Variants in HS3ST1 observed in about 807,000 individuals in gnomAD.
The protein encoded by HS3ST1 is heparan sulfate-glucosamine 3-sulfotransferase 1.
In HS3ST1, 8 loss-of-function variants were observed where a neutral mutation model predicts 20.7. The observed-to-expected ratio is 0.39, with a 90% CI of 0.23 to 0.70. The LOEUF (loss-of-function observed/expected upper bound fraction) is 0.70, where lower values mean the gene tolerates loss of function less well. HS3ST1 is among the 30% of genes least tolerant of loss of function. The pLI is 0.46. For synonymous variants in HS3ST1, 205 were observed against 190.4 expected, an observed-to-expected ratio of 1.08 and a Z score of -0.63; for missense variants, 436 against 423.4, an observed-to-expected ratio of 1.03 and a Z score of -0.26.
At chr4:11,418,174 G>A (rs1048609962) in intron 1 of HS3ST1, among the ~76,000 whole-genome samples, 1 of 151,806 alleles carries the variant, frequency 6.6e-6, no homozygotes, top group Non-Finnish European at 1.5e-5. Context: ...TTGGGACACT[G>A]TGGCACTTTA....
At chr4:11,403,387 G>A (rs1718379713) in intron 1 of HS3ST1, among the ~76,000 whole-genome samples, 1 of 152,196 alleles carries the variant, frequency 6.6e-6, no homozygotes, top group Non-Finnish European at 1.5e-5. Flanking sequence ...CCAAGCTCAG[G>A]TGAACCTGTA....
At chr4:11,411,664 G>A (rs564326019) in intron 1 of HS3ST1, among the ~76,000 whole-genome samples, 5 of 152,260 alleles carry the variant, frequency 3.3e-5, no homozygotes, top group Admixed American at 6.5e-5. Flanking sequence ...CAGATTAAAT[G>A]CACTGGTGTA....
chr4:11,429,393 C>T (rs1719154501), upstream of HS3ST1: 1 of 152,518 alleles, frequency 6.6e-6, no homozygotes, highest in South Asian at 2.1e-4. Flanking sequence ...GAGTCTGCAC[C>T]ATGCGTATTC....
chr4:11,408,718 C>T (rs1179854159), intron 1 of HS3ST1, among the ~76,000 whole-genome samples: 4 of 152,202 alleles, frequency 2.6e-5, no homozygotes, highest in Middle Eastern at 3.2e-3. Flanking sequence ...AGCAGAGCTC[C>T]GTGACAGGAG....
intron 1 of HS3ST1, among the ~76,000 whole-genome samples, chr4:11,413,360 A>G (rs1192012705): frequency 6.6e-6 from 1 of 151,856 alleles, no homozygotes; most frequent in East Asian, 1.9e-4. Flanking sequence ...TAAATGAGGT[A>G]TGGACGATTG....
upstream of HS3ST1, among the ~76,000 whole-genome samples, chr4:11,433,672 T>C (rs1412641548): frequency 4.0e-5 from 6 of 150,242 alleles, no homozygotes; most frequent in African/African-American, 1.5e-4. Flanking sequence ...CTCACACTCT[T>C]CAGAAAAAAA....
intron 1 of HS3ST1, among the ~76,000 whole-genome samples, chr4:11,422,480 T>TA (rs1718964184): frequency 6.6e-6 from 1 of 152,220 alleles, no homozygotes; most frequent in Non-Finnish European, 1.5e-5. Flanking sequence ...AAGAAATTAT[T>TA]ACCATGAAAG....
upstream of HS3ST1, among the ~76,000 whole-genome samples, chr4:11,432,684 G>A (rs1719227934): frequency 6.6e-6 from 1 of 152,242 alleles, no homozygotes; most frequent in Admixed American, 6.5e-5. Context: ...ATTGCACTGT[G>A]TGAAAATGAT....
Position 11,398,344 on chromosome 4 carries a change from A to T in HS3ST1, c.*738T>A, listed in dbSNP as rs961300231. On this transcript the variant is annotated 3_prime_UTR_variant, in exon 2 of 2. Coordinates refer to ENST00000002596, the MANE Select transcript of HS3ST1 (RefSeq NM_005114.4). ...GGCCAGCTGCCACCTGGGGCAAAGT[A>T]TCCAGGTCCAAGATCATTCTGAAGG... The T allele has an allele frequency of 7.2e-5, 11 of 152,230 alleles. No homozygotes were observed. Among genetic ancestry groups the T allele is most frequent in the Admixed American group, 6.5e-4 (10 of 15,284 alleles). The allele number at this position is 152,230 out of a possible 1,614,324, so 9.4% of individuals were successfully genotyped here.
rs1022040465 is a variant in HS3ST1 at position 11,394,954 on chromosome 4, A to G, written c.*4128T>C. 5.9e-5 allele frequency: 9 copies of G among 152,226 alleles called. No individual in the cohort carries two copies. Among genetic ancestry groups the G allele is most frequent in the African/African-American group, 1.7e-4 (7 of 41,448 alleles). The allele number at this position is 152,226 out of a possible 1,614,324, so 9.4% of individuals were successfully genotyped here. On this transcript the variant is annotated 3_prime_UTR_variant, in exon 2 of 2. Transcript: ENST00000002596. Reference sequence around the variant, plus strand: ...AACAGATACACCTGCACAGGAGCCAAATTCACATGGGTGCCTGCTAAGTAA... The same window carrying G: ...AACAGATACACCTGCACAGGAGCCAGATTCACATGGGTGCCTGCTAAGTAA...
At chr4:11,407,858 GC>G (rs1205359117) in intron 1 of HS3ST1, among the ~76,000 whole-genome samples, 2 of 152,240 alleles carry the variant, frequency 1.3e-5, no homozygotes, top group Non-Finnish European at 1.5e-5. Context: ...TCCCAGAGGA[GC>G]TGATGTAACC....
At chr4:11,414,261 C>T (rs576256813) in intron 1 of HS3ST1, 2 of 152,310 alleles carry the variant, frequency 1.3e-5, no homozygotes, top group East Asian at 3.9e-4. Flanking sequence ...CATCTCCTTT[C>T]AAGAGGGGCC....
chr4:11,404,960 A>G (rs1039656938), intron 1 of HS3ST1, among the ~76,000 whole-genome samples: 3 of 152,256 alleles, frequency 2.0e-5, no homozygotes, highest in Non-Finnish European at 4.4e-5. Context: ...CTAGAAAGTT[A>G]GAGGAGGTGA....
At chr4:11,418,393 G>A (rs953027506) in intron 1 of HS3ST1, among the ~76,000 whole-genome samples, 1 of 152,194 alleles carries the variant, frequency 6.6e-6, no homozygotes, top group African/African-American at 2.4e-5. Context: ...TATGAAATGT[G>A]ATTCTCACAA....
chr4:11,393,935 G>A lies in HS3ST1; in HGVS notation c.*5147C>T, dbSNP rs945017110. On this transcript the variant is annotated 3_prime_UTR_variant, in exon 2 of 2. Coordinates refer to ENST00000002596, the MANE Select transcript of HS3ST1 (RefSeq NM_005114.4). ...GACAATCTTTGTGGCAGCTGGGGTT[G>A]AGAGCACTTCCCTGGTAAATGAGCT... 6.6e-6 allele frequency: 1 copy of A among 152,184 alleles called. No individual in the cohort carries two copies. Among genetic ancestry groups the A allele is most frequent in the Non-Finnish European group, 1.5e-5 (1 of 68,040 alleles). 9.4% of individuals were successfully genotyped at this position (152,184 alleles called of 1,614,324 possible). A position where few individuals can be genotyped will look rare whatever the true frequency, so the allele number is the denominator to read the frequency against.
In HS3ST1 at chr4:11,399,076, T is replaced by G. The variant is rs766291519; in HGVS notation, c.*6A>C. The G allele has an allele frequency of 6.2e-7, 1 of 1,605,458 alleles. No homozygotes were observed. The highest frequency in any genetic ancestry group is 2.2e-5 in the East Asian group (1 of 44,644). On this transcript the variant is annotated 3_prime_UTR_variant, in exon 2 of 2. Coordinates refer to ENST00000002596, the MANE Select transcript of HS3ST1 (RefSeq NM_005114.4). This position sits in a 1 kb window ranked among gnomAD's most constrained non-coding sequence, Gnocchi z 5.1. ...AGGAAAGTTTCTGAGCTTAGCTTAT[T>G]GCAAATCAGTGCCAGTCAAATGTTC... is the stretch of plus-strand genomic sequence containing the variant.
intron 1 of HS3ST1, among the ~76,000 whole-genome samples, chr4:11,414,365 G>C (rs933244923): frequency 6.6e-6 from 1 of 152,106 alleles, no homozygotes; most frequent in Non-Finnish European, 1.5e-5. Flanking sequence ...GATGAACTGA[G>C]TTTTCAAGAC....
intron 1 of HS3ST1, among the ~76,000 whole-genome samples, chr4:11,413,890 TG>T (rs1171341712): frequency 6.6e-6 from 1 of 150,716 alleles, no homozygotes; most frequent in Non-Finnish European, 1.5e-5. Flanking sequence ...GTTTCAAAAT[TG>T]AAAAAAAAAC....
At chr4:11,427,140 A>C (rs1719081674) in intron 1 of HS3ST1, among the ~76,000 whole-genome samples, 1 of 152,104 alleles carries the variant, frequency 6.6e-6, no homozygotes, top group African/African-American at 2.4e-5. Flanking sequence ...TCCTGGAATT[A>C]ACCCTTGGGT....
Sources: allele counts gnomAD v4.1 joint callset (sites outside exome capture counted in the v4.1 genomes callset), GRCh38; gene constraint gnomAD v4.1.1; non-coding constraint Gnocchi (gnomAD v3.1); transcripts MANE v1.5; gene names NCBI Gene and HGNC (gene_info 2026-07-23, HGNC 2026-07-21).